KCTD6: variants seen among roughly 807,000 people sequenced by gnomAD.
KCTD6 encodes BTB/POZ domain-containing protein KCTD6.
In KCTD6, 6 loss-of-function variants were observed where a neutral mutation model predicts 18.7. The observed-to-expected ratio is 0.32, with a 90% confidence interval of 0.18 to 0.63. The LOEUF is 0.63. KCTD6 is among the 30% of genes least tolerant of loss of function. The pLI is 0.79. For synonymous variants in KCTD6, 86 were observed against 108.5 expected (o/e 0.79, Z 1.29); for missense variants, 165 against 300.2 (o/e 0.55, Z 3.33).
Position 58,501,688 on chromosome 3 carries a change from A to ATT in KCTD6, c.*66_*67dup. ...ACTCTCCAGGAAATGGAAGATACTGATTTTTTTTTTTAAATCACAGTGTGA... is the reference window on the plus strand; with the variant it reads ...ACTCTCCAGGAAATGGAAGATACTGATTTTTTTTTTTTTAAATCACAGTGTGA... On this transcript the variant is annotated 3_prime_UTR_variant, in exon 3 of 3. Coordinates refer to ENST00000404589, the MANE Select transcript of KCTD6 (RefSeq NM_001128214.2). This position sits in a 1 kb window ranked among gnomAD's most constrained non-coding sequence, Gnocchi z 9.7. The ATT allele has an allele frequency of 9.8e-6, 10 of 1,015,968 alleles. No individual in the cohort carries two copies. The highest frequency in any genetic ancestry group is 4.5e-5 in the South Asian group (1 of 22,038). The allele number at this position is 1,015,968 out of a possible 1,614,324, so 62.9% of individuals were successfully genotyped here.
chr3:58,495,634 A>G (rs1308301837), intron 1 of KCTD6, among the ~76,000 whole-genome samples: 1 of 152,168 alleles, frequency 6.6e-6, no homozygotes, highest in Non-Finnish European at 1.5e-5. Flanking sequence ...TTAATGCACA[A>G]TTTGATTTCT....
At chr3:58,499,130 T>A in intron 2 of KCTD6, among the ~76,000 whole-genome samples, 1 of 152,066 alleles carries the variant, frequency 6.6e-6, no homozygotes, top group East Asian at 1.9e-4. Context: ...CCACCACATC[T>A]GGCTAATTTT....
rs781400729 is a variant in KCTD6, at chr3:58,501,050, G to T, written c.132G>T (p.Gly44=). 3 of 1,613,832 alleles carry T rather than the reference G, an allele frequency of 1.9e-6. No individual in the cohort carries two copies. The highest frequency in any genetic ancestry group is 2.5e-6 in the Non-Finnish European group (3 of 1,179,836). Residue 44 remains glycine (G), a synonymous_variant, in exon 3 of 3, where the codon GGG becomes GGT. Coordinates refer to ENST00000404589, the MANE Select transcript of KCTD6 (RefSeq NM_001128214.2). This position sits in a 1 kb window ranked among gnomAD's most constrained non-coding sequence, Gnocchi z 9.7. The part of the protein sequence containing the change: ...PDSMLGAMFG[G]DFPTARDPQG... ...CCATGCTTGGAGCTATGTTTGGGGGGGACTTCCCCACAGCTCGAGACCCTC... is the reference window on the plus strand; with the variant it reads ...CCATGCTTGGAGCTATGTTTGGGGGTGACTTCCCCACAGCTCGAGACCCTC...
rs2063178814 is a variant in KCTD6 at position 58,497,249 on chromosome 3, C to T, written c.-43-1464C>T. On this transcript the variant is annotated intron_variant, in intron 1 of 2. Transcript: ENST00000404589. This position sits in a 1 kb window ranked among gnomAD's most constrained non-coding sequence, Gnocchi z 4.2. ...GGTAGAGAAATAGATGCTTCAGGCT[C>T]TGATTTCAGCCCATGCTGTGCTATG... Among the ~76,000 whole-genome samples, 1 of 152,368 alleles carries T rather than the reference C, an allele frequency of 6.6e-6. No homozygotes were observed. Among genetic ancestry groups the T allele is most frequent in the African/African-American group, 2.4e-5 (1 of 41,598 alleles).
Position 58,501,510 on chromosome 3 carries a change from A to G in KCTD6, c.592A>G (p.Ile198Val). 6.7e-7 allele frequency: 1 copy of G among 1,502,260 alleles called. No individual in the cohort carries two copies. Among genetic ancestry groups the G allele is most frequent in the Admixed American group, 2.4e-5 (1 of 41,186 alleles). The allele number at this position is 1,502,260 out of a possible 1,614,324, so 93.1% of individuals were successfully genotyped here. ...VSLRVHLMEY[I>V]TKQGFTIRNT... Reference sequence around the variant, plus strand: ...TCTTAGGGTCCACCTGATGGAATACATTACAAAACAAGGTTTCACGATCCG... The same window carrying G: ...TCTTAGGGTCCACCTGATGGAATACGTTACAAAACAAGGTTTCACGATCCG... Residue 198 changes from isoleucine (I) to valine (V), a missense_variant, in exon 3 of 3, where the codon ATT becomes GTT. Ile to Val is a conservative substitution (Grantham distance 29, BLOSUM62 3). Around this residue, in one of 2 missense-constraint regions of KCTD6, gnomAD observed 106 missense variants for 230.4 expected, o/e 0.46. Coordinates refer to ENST00000404589, the MANE Select transcript of KCTD6 (RefSeq NM_001128214.2). This position sits in a 1 kb window ranked among gnomAD's most constrained non-coding sequence, Gnocchi z 9.7.
At position 58,493,263 on chromosome 3, in the gene KCTD6, T is replaced by C. The variant is rs1398832121; in HGVS notation, c.-44+1094T>C. Among the ~76,000 whole-genome samples the C allele has an allele frequency of 1.3e-5, 2 of 152,252 alleles. No individual in the cohort carries two copies. Among genetic ancestry groups the C allele is most frequent in the Non-Finnish European group, 2.9e-5 (2 of 68,048 alleles). ...CGAAACCATCAGTCCATACTGATAC[T>C]TGATTTTGTGCTATGCCTTAGATAT... On this transcript the variant is annotated intron_variant, in intron 1 of 2. Transcript: ENST00000404589. This position sits in a 1 kb window ranked among gnomAD's most constrained non-coding sequence, Gnocchi z 4.5.
rs145304533 is a variant in KCTD6 at position 58,494,385 on chromosome 3, A to T, written c.-44+2216A>T. ...ACTCCCACATTTCAAGAAGAGCAAAACTCAATACAAGGCAATTTTGAAGGT... is the reference window on the plus strand; with the variant it reads ...ACTCCCACATTTCAAGAAGAGCAAATCTCAATACAAGGCAATTTTGAAGGT... On this transcript the variant is annotated intron_variant, in intron 1 of 2. Coordinates refer to ENST00000404589, the MANE Select transcript of KCTD6 (RefSeq NM_001128214.2). The T allele has an allele frequency of 2.6e-5, 4 of 152,328 alleles. No individual in the cohort carries two copies. In the East Asian group the frequency reaches 7.7e-4, roughly 29 times the overall value. The allele number at this position is 152,328 out of a possible 1,614,324, so 9.4% of individuals were successfully genotyped here. A position where few individuals can be genotyped will look rare whatever the true frequency, so the allele number is the denominator to read the frequency against.
In KCTD6 at chr3:58,498,494, T is replaced by G; in HGVS notation, c.-43-219T>G. On this transcript the variant is annotated intron_variant, in intron 1 of 2. Transcript: ENST00000404589. This position sits in a 1 kb window ranked among gnomAD's most constrained non-coding sequence, Gnocchi z 4.6. ...TCTTTCTCTGAAAATCTTCAGTCTC[T>G]TAGTTCCAGATGGGTTCTCTATGGT... The G allele has an allele frequency of 2.2e-6, 1 of 462,552 alleles. No homozygotes were observed. Among genetic ancestry groups the G allele is most frequent in the Non-Finnish European group, 3.8e-6 (1 of 266,636 alleles). The allele number at this position is 462,552 out of a possible 1,614,324, so 28.7% of individuals were successfully genotyped here.
rs1293186425 is a variant in KCTD6 at position 58,501,685 on chromosome 3, C to T, written c.*53C>T. The T allele has an allele frequency of 8.5e-7, 1 of 1,181,498 alleles. No homozygotes were observed. 73.2% of individuals were successfully genotyped at this position (1,181,498 alleles called of 1,614,324 possible). On this transcript the variant is annotated 3_prime_UTR_variant, in exon 3 of 3. Coordinates refer to ENST00000404589, the MANE Select transcript of KCTD6 (RefSeq NM_001128214.2). The surrounding 1 kb of genome is among the most constrained non-coding windows in gnomAD (Gnocchi z 9.7). ...AAGACTCTCCAGGAAATGGAAGATA[C>T]TGATTTTTTTTTTTAAATCACAGTG... is the stretch of plus-strand genomic sequence containing the variant.
chr3:58,498,782 G>C lies in KCTD6; in HGVS notation c.27G>C (p.Met9Ile). The change falls in exon 2 of 3, where the codon ATG (methionine) becomes ATC (isoleucine). Residue 9 changes from methionine (M) to isoleucine (I), a missense_variant and splice_region_variant. Met to Ile is a conservative substitution (Grantham distance 10). Coordinates refer to ENST00000404589, the MANE Select transcript of KCTD6 (RefSeq NM_001128214.2). This position sits in a 1 kb window ranked among gnomAD's most constrained non-coding sequence, Gnocchi z 4.6. ...TGGATAATGGAGACTGGGGCTATAT[G>C]GTGAGTGCTTCTTGGAGATGCATTT... is the stretch of plus-strand genomic sequence containing the variant. MDNGDWGY[M>I]MTDPVTLNVG... 6.2e-7 allele frequency: 1 copy of C among 1,610,826 alleles called. No individual in the cohort carries two copies. Among genetic ancestry groups the C allele is most frequent in the African/African-American group, 1.3e-5 (1 of 74,866 alleles).
chr3:58,497,667 A>G lies in KCTD6; in HGVS notation c.-43-1046A>G. On this transcript the variant is annotated intron_variant, in intron 1 of 2. Transcript: ENST00000404589. The surrounding 1 kb of genome is among the most constrained non-coding windows in gnomAD (Gnocchi z 4.2). ...CTCAGTGTCTTAAGGCTGGCTCTCC[A>G]TGAGTGCTGGCTGATTGACTCTCAT... The G allele has an allele frequency of 6.6e-6, 1 of 152,224 alleles. No homozygotes were observed. The highest frequency in any genetic ancestry group is 1.9e-4 in the East Asian group (1 of 5,204). The allele number at this position is 152,224 out of a possible 1,614,324, so 9.4% of individuals were successfully genotyped here. A position where few individuals can be genotyped will look rare whatever the true frequency, so the allele number is the denominator to read the frequency against.
In KCTD6 at chr3:58,500,992, C is replaced by T. The variant is rs767509568; in HGVS notation, c.74C>T (p.Thr25Met). Residue 25 changes from threonine to methionine, a missense_variant, in exon 3 of 3, where the codon ACG (threonine) becomes ATG (methionine). Transcript: ENST00000404589. ...TLNVGGHLYT[T>M]SLTTLTRYPD... The stretch of plus-strand genomic sequence containing the variant: ...AATGTAGGTGGACACTTGTATACAA[C>T]GTCTCTCACCACATTGACGCGTTAC... 3 of 1,608,428 alleles carry T rather than the reference C, an allele frequency of 1.9e-6. No homozygotes were observed. Among genetic ancestry groups the T allele is most frequent in the South Asian group, 1.1e-5 (1 of 90,034 alleles).
rs780353828 is a variant in KCTD6 at position 58,498,824 on chromosome 3, A to G, written c.27+42A>G. ...GATGCATTTTGAAGGCTGGGGAATT[A>G]TTTTTGTGTGTCTTTTTATCCTTAT... On this transcript the variant is annotated intron_variant, in intron 2 of 2. Coordinates refer to ENST00000404589, the MANE Select transcript of KCTD6 (RefSeq NM_001128214.2). The surrounding 1 kb of genome is among the most constrained non-coding windows in gnomAD (Gnocchi z 4.6). The G allele has an allele frequency of 1.3e-6, 2 of 1,537,302 alleles. No individual in the cohort carries two copies. Among genetic ancestry groups the G allele is most frequent in the South Asian group, 2.3e-5 (2 of 86,290 alleles).
At chr3:58,495,898 C>T (rs1434584024) in intron 1 of KCTD6, among the ~76,000 whole-genome samples, 2 of 143,480 alleles carry the variant, frequency 1.4e-5, no homozygotes, top group Non-Finnish European at 1.5e-5. Flanking sequence ...TTTTAGATAA[C>T]TGCTCAAGAA....
chr3:58,499,563 TTC>T (rs57046202), intron 2 of KCTD6, among the ~76,000 whole-genome samples: 2,951 of 150,700 alleles, frequency 0.02, 94 homozygotes, highest in African/African-American at 0.069. Flanking sequence ...TTTTTTTTTT[TTC>T]GAGACAGGGT....
chr3:58,494,223 G>C (rs1385367508), intron 1 of KCTD6: 1 of 152,170 alleles, frequency 6.6e-6, no homozygotes, highest in Non-Finnish European at 1.5e-5. Flanking sequence ...GCAGTGGTAT[G>C]GTTAAGGATA....
Position 58,501,404 on chromosome 3 carries a change from G to A in KCTD6, c.486G>A (p.Lys162=), listed in dbSNP as rs764988622. The part of the protein sequence containing the change: ...LLEGISNYFT[K]WNKHMMDTRD... ...AAGGCATCTCAAATTATTTTACCAA[G>A]TGGAATAAGCACATGATGGACACCA... The change falls in exon 3 of 3, where the codon AAG becomes AAA. Residue 162 remains lysine (K), a synonymous_variant. Transcript: ENST00000404589. The surrounding 1 kb of genome is among the most constrained non-coding windows in gnomAD (Gnocchi z 9.7). 1.3e-5 allele frequency: 21 copies of A among 1,578,528 alleles called. No homozygotes were observed. The highest frequency in any genetic ancestry group is 1.6e-5 in the Non-Finnish European group (19 of 1,165,400).
At chr3:58,500,259 A>C (rs1024504804) in intron 2 of KCTD6, 1 of 149,170 alleles carries the variant, frequency 6.7e-6, no homozygotes, top group African/African-American at 2.5e-5. Context: ...AGGACTACTC[A>C]GGCCACCACA....
chr3:58,500,278 A>ATTTTTTTTTTTTTTTTTT (rs66715551), intron 2 of KCTD6: 1 of 119,116 alleles, frequency 8.4e-6, no homozygotes. Flanking sequence ...CACCCAGTGA[A>ATTTTTTTTTTTTTTTTTT]TTTTTTTTTT....
Sources: allele counts gnomAD v4.1 joint callset (sites outside exome capture counted in the v4.1 genomes callset), GRCh38; gene constraint gnomAD v4.1.1; regional missense constraint gnomAD v4.1.1; non-coding constraint Gnocchi (gnomAD v3.1); transcripts MANE v1.5; gene names NCBI Gene and HGNC (gene_info 2026-07-23, HGNC 2026-07-21).